Variants in ZNF501 observed in about 807,000 individuals in gnomAD.
ZNF501 encodes the protein zinc finger protein 501.
In ZNF501, 7 loss-of-function variants were observed where a neutral mutation model predicts 5.7. The ratio of observed to expected loss-of-function variants is 1.24; its 90% CI spans 0.70 to 2.32. The LOEUF is 2.32. Ranked by LOEUF, ZNF501 falls within the 30% of genes most tolerant of loss-of-function variation. The pLI is 0.00. For synonymous variants in ZNF501, 107 were observed against 101.9 expected (o/e 1.05, Z -0.30); for missense variants, 352 against 321.1 (o/e 1.10, Z -0.73).
Position 44,735,013 on chromosome 3 carries a change from G to A in ZNF501, c.592G>A (p.Ala198Thr). ...CTACACATGCACTGAATGTGGTAAA[G>A]CCTTCACTCAGAACTCTTCCCTTGT... ...KPYTCTECGK[A>T]FTQNSSLVEH... The change falls in exon 3 of 3, where the codon GCC becomes ACC. Residue 198 changes from alanine to threonine, a missense_variant. Physicochemically the swap from Ala to Thr is moderately conservative, Grantham distance 58. Coordinates refer to ENST00000620116, the MANE Select transcript of ZNF501 (RefSeq NM_001258280.2). 3 of 1,614,162 alleles carry A rather than the reference G, an allele frequency of 1.9e-6. No homozygotes were observed. Among genetic ancestry groups the A allele is most frequent in the Middle Eastern group, 1.6e-4 (1 of 6,062 alleles).
rs915242800 is a variant in ZNF501 at position 44,734,179 on chromosome 3, A to G, written c.-225-18A>G. The G allele has an allele frequency of 2.4e-6, 1 of 409,604 alleles. No homozygotes were observed. Among genetic ancestry groups the G allele is most frequent in the Non-Finnish European group, 4.3e-6 (1 of 229,964 alleles). 25.4% of individuals were successfully genotyped at this position (409,604 alleles called of 1,614,324 possible). On this transcript the variant is annotated intron_variant, in intron 2 of 2. Transcript: ENST00000620116. ...TTTTATAGAATTCCTAATACCTGTC[A>G]CTACTTAATCTCTTCAGAGAGGCTG...
rs762097467 is a variant in ZNF501, at chr3:44,734,891, C to G, written c.470C>G (p.Ser157Cys). ...ICLTRHQRSH[S>C]GDKPFKCNEC... ...CTTACTCGTCATCAGAGAAGTCATTCTGGAGATAAACCTTTTAAGTGTAAT... is the reference window on the plus strand; with the variant it reads ...CTTACTCGTCATCAGAGAAGTCATTGTGGAGATAAACCTTTTAAGTGTAAT... Residue 157 changes from serine (S) to cysteine (C), a missense_variant, in exon 3 of 3, where the codon TCT becomes TGT. Physicochemically the swap from Ser to Cys is moderately radical, Grantham distance 112. Transcript: ENST00000620116. 4.7e-5 allele frequency: 76 copies of G among 1,613,736 alleles called. No homozygotes were observed. Among genetic ancestry groups the G allele is most frequent in the Non-Finnish European group, 5.8e-5 (69 of 1,180,020 alleles).
intron 2 of ZNF501, among the ~76,000 whole-genome samples, chr3:44,733,745 A>G (rs1232196374): frequency 6.6e-6 from 1 of 152,176 alleles, no homozygotes; most frequent in Non-Finnish European, 1.5e-5. Flanking sequence ...ATAGGTTTCC[A>G]GTTGGGCCTA....
Position 44,735,303 on chromosome 3 carries a change from A to G in ZNF501, c.*66A>G. 2 of 1,330,010 alleles carry G rather than the reference A, an allele frequency of 1.5e-6. No homozygotes were observed. Among genetic ancestry groups the G allele is most frequent in the South Asian group, 3.0e-5 (2 of 67,150 alleles). 82.4% of individuals were successfully genotyped at this position (1,330,010 alleles called of 1,614,324 possible). A position where few individuals can be genotyped will look rare whatever the true frequency, so the allele number is the denominator to read the frequency against. ...CACCTTTTTTTTCTCCTAAATTCCT[A>G]GGAATGTAAGACTCAATCTGTAGCT... is the stretch of plus-strand genomic sequence containing the variant. On this transcript the variant is annotated 3_prime_UTR_variant, in exon 3 of 3. Coordinates refer to ENST00000620116, the MANE Select transcript of ZNF501 (RefSeq NM_001258280.2).
rs375647505 is a variant in ZNF501, at chr3:44,734,543, A to C, written c.122A>C (p.Gln41Pro). Residue 41 changes from glutamine to proline, a missense_variant, in exon 3 of 3, where the codon CAG (glutamine) becomes CCG (proline). Transcript: ENST00000620116. The part of the protein sequence containing the change: ...FTQRSSLTQH[Q>P]RIHRGEKPYV... ...CAGAGATCATCTCTTACCCAGCACC[A>C]GAGGATTCACAGAGGAGAGAAGCCC... 4.3e-6 allele frequency: 7 copies of C among 1,614,080 alleles called. No individual in the cohort carries two copies. Among genetic ancestry groups the C allele is most frequent in the African/African-American group, 1.3e-5 (1 of 74,930 alleles).
At position 44,735,199 on chromosome 3, in the gene ZNF501, G is replaced by A. The variant is rs772566008; in HGVS notation, c.778G>A (p.Ala260Thr). The change falls in exon 3 of 3, where the codon GCA (alanine) becomes ACA (threonine). Residue 260 changes from alanine to threonine, a missense_variant. Transcript: ENST00000620116. ...TGGGAAATCCTTTAGGCACAGTTCA[G>A]CACTTCTTCGACATCAGAGGCTTCA... is the stretch of plus-strand genomic sequence containing the variant. Reference protein sequence around the residue: ...GCGKSFRHSSALLRHQRLHAG... With the variant: ...GCGKSFRHSSTLLRHQRLHAG... 16 of 1,591,000 alleles carry A rather than the reference G, an allele frequency of 1.0e-5. No individual in the cohort carries two copies. The highest frequency in any genetic ancestry group is 1.4e-5 in the Non-Finnish European group (16 of 1,166,640).
chr3:44,730,559 T>A (rs1365135756), intron 1 of ZNF501, among the ~76,000 whole-genome samples: 1 of 152,216 alleles, frequency 6.6e-6, no homozygotes. Context: ...ATTAAACAGT[T>A]TGTTCAGTGT....
In ZNF501 at chr3:44,734,876, A is replaced by T. The variant is rs368998322; in HGVS notation, c.455A>T (p.His152Leu). Reference protein sequence around the residue: ...AFSQSICLTRHQRSHSGDKPF... With the variant: ...AFSQSICLTRLQRSHSGDKPF... Reference sequence around the variant, plus strand: ...AGTCAGAGCATATGCCTTACTCGTCATCAGAGAAGTCATTCTGGAGATAAA... The same window carrying T: ...AGTCAGAGCATATGCCTTACTCGTCTTCAGAGAAGTCATTCTGGAGATAAA... Residue 152 changes from histidine (H) to leucine (L), a missense_variant, in exon 3 of 3, where the codon CAT (histidine) becomes CTT (leucine). His to Leu is a moderately conservative substitution (Grantham distance 99). Transcript: ENST00000620116. 2.0e-5 allele frequency: 32 copies of T among 1,613,940 alleles called. No homozygotes were observed. The highest frequency in any genetic ancestry group is 2.7e-5 in the Non-Finnish European group (32 of 1,180,028).
intron 2 of ZNF501, among the ~76,000 whole-genome samples, chr3:44,732,923 A>C (rs1036540978): frequency 9.9e-5 from 15 of 152,106 alleles, no homozygotes; most frequent in African/African-American, 3.1e-4. Flanking sequence ...TCCTGGGCTC[A>C]AGTGATTTTC....
Position 44,735,173 on chromosome 3 carries a change from G to A in ZNF501, c.752G>A (p.Cys251Tyr), listed in dbSNP as rs1484494128. The A allele has an allele frequency of 6.2e-7, 1 of 1,611,818 alleles. No homozygotes were observed. Among genetic ancestry groups the A allele is most frequent in the Non-Finnish European group, 8.5e-7 (1 of 1,178,622 alleles). Residue 251 changes from cysteine to tyrosine, a missense_variant, in exon 3 of 3, where the codon TGT becomes TAT. Cys to Tyr is a radical substitution (Grantham distance 194). Transcript: ENST00000620116. ...TGEKPYECVGCGKSFRHSSAL... is the reference protein window; with the variant it reads ...TGEKPYECVGYGKSFRHSSAL... ...GAAAAACCTTATGAGTGTGTTGGAT[G>A]TGGGAAATCCTTTAGGCACAGTTCA...
rs752976754 is a variant in ZNF501, at chr3:44,735,219, G to A, written c.798G>A (p.Arg266=). The change falls in exon 3 of 3, where the codon AGG becomes AGA. Residue 266 remains arginine, a synonymous_variant. Transcript: ENST00000620116. The stretch of plus-strand genomic sequence containing the variant: ...GTTCAGCACTTCTTCGACATCAGAG[G>A]CTTCATGCTGGAGAGTAAAATTTGG... The part of the protein sequence containing the change: ...RHSSALLRHQ[R]LHAGE 3.8e-6 allele frequency: 6 copies of A among 1,569,356 alleles called. No homozygotes were observed. In the Admixed American group the frequency reaches 9.3e-5, roughly 24 times the overall value.
chr3:44,733,713 C>T lies in ZNF501; in HGVS notation c.-225-484C>T, dbSNP rs139819671. On this transcript the variant is annotated intron_variant, in intron 2 of 2. Transcript: ENST00000620116. Reference sequence around the variant, plus strand: ...TGATATCTTACTTTCTTTCAGTAAGCAGGACTCTAGTTTTCAAACCTATAG... The same window carrying T: ...TGATATCTTACTTTCTTTCAGTAAGTAGGACTCTAGTTTTCAAACCTATAG... Among the ~76,000 whole-genome samples the T allele has an allele frequency of 3.0e-3, 451 of 152,300 alleles. 3 individuals are homozygous for T. Among genetic ancestry groups the T allele is most frequent in the African/African-American group, 0.01 (420 of 41,562 alleles).
Position 44,735,056 on chromosome 3 carries a change from A to C in ZNF501, c.635A>C (p.His212Pro), listed in dbSNP as rs367780010. 8.1e-6 allele frequency: 13 copies of C among 1,614,078 alleles called. No homozygotes were observed. Among genetic ancestry groups the C allele is most frequent in the Non-Finnish European group, 1.0e-5 (12 of 1,180,032 alleles). Residue 212 changes from histidine (H) to proline (P), a missense_variant, in exon 3 of 3, where the codon CAC (histidine) becomes CCC (proline). Physicochemically the swap from His to Pro is moderately conservative, Grantham distance 77. Coordinates refer to ENST00000620116, the MANE Select transcript of ZNF501 (RefSeq NM_001258280.2). ...TCCCTTGTTGAACATGAAAGGACTC[A>C]CACTGGAGAGAAACTTTATAAGTGT... ...NSSLVEHERT[H>P]TGEKLYKCSE...
chr3:44,732,797 T>C (rs1704634128), intron 2 of ZNF501, among the ~76,000 whole-genome samples: 1 of 152,184 alleles, frequency 6.6e-6, no homozygotes, highest in Admixed American at 6.5e-5. Context: ...TGATAATCTC[T>C]GGGGAAAGGA....
chr3:44,735,162 G>A lies in ZNF501; in HGVS notation c.741G>A (p.Glu247=), dbSNP rs1704677382. 1.2e-6 allele frequency: 2 copies of A among 1,613,378 alleles called. No homozygotes were observed. Among genetic ancestry groups the A allele is most frequent in the Non-Finnish European group, 1.7e-6 (2 of 1,179,546 alleles). ...TTCATACTGGAGAAAAACCTTATGA[G>A]TGTGTTGGATGTGGGAAATCCTTTA... The part of the protein sequence containing the change: ...YRIHTGEKPY[E]CVGCGKSFRH... Residue 247 remains glutamate, a synonymous_variant, in exon 3 of 3, where the codon GAG becomes GAA. Transcript: ENST00000620116.
rs1704640107 is a variant in ZNF501, at chr3:44,733,212, G to A, written c.-225-985G>A. Among the ~76,000 whole-genome samples the A allele has an allele frequency of 2.0e-5, 3 of 152,220 alleles. 1 individual carries two copies. The South Asian group carries it at 6.2e-4, about 32-fold the overall frequency. ...CATGATTAGAAAACAGACAAAAATG[G>A]GCCTCAGAGAAGAAGCATGTGTTAG... is the stretch of plus-strand genomic sequence containing the variant. On this transcript the variant is annotated intron_variant, in intron 2 of 2. Coordinates refer to ENST00000620116, the MANE Select transcript of ZNF501 (RefSeq NM_001258280.2).
At chr3:44,731,714 CA>C (rs1704619218) in intron 2 of ZNF501, 154 bp downstream of exon 2, 1 of 152,188 alleles carries the variant, frequency 6.6e-6, no homozygotes, top group Non-Finnish European at 1.5e-5. Flanking sequence ...CCATTTTACT[CA>C]AATCAGTGAG....
intron 2 of ZNF501, 54 bp from the exon 3 acceptor site, chr3:44,734,143 G>A: frequency 3.2e-6 from 1 of 310,416 alleles, no homozygotes; most frequent in Non-Finnish European, 6.0e-6. Flanking sequence ...AGAATCAATT[G>A]TGATATGGAA....
rs564544043 is a variant in ZNF501 at position 44,734,964 on chromosome 3, G to C, written c.543G>C (p.Gln181His). Residue 181 changes from glutamine (Q) to histidine (H), a missense_variant, in exon 3 of 3, where the codon CAG becomes CAC. Coordinates refer to ENST00000620116, the MANE Select transcript of ZNF501 (RefSeq NM_001258280.2). ...FNQSACLMQH[Q>H]RIHSGEKPYT... ...AGAGTGCATGTCTCATGCAGCATCAGAGAATTCATTCAGGAGAGAAGCCCT... is the reference window on the plus strand; with the variant it reads ...AGAGTGCATGTCTCATGCAGCATCACAGAATTCATTCAGGAGAGAAGCCCT... 4.3e-6 allele frequency: 7 copies of C among 1,614,130 alleles called. No individual in the cohort carries two copies. The highest frequency in any genetic ancestry group is 5.9e-6 in the Non-Finnish European group (7 of 1,180,012).
Sources: allele counts gnomAD v4.1 joint callset (sites outside exome capture counted in the v4.1 genomes callset), GRCh38; gene constraint gnomAD v4.1.1; transcripts MANE v1.5; gene names NCBI Gene and HGNC (gene_info 2026-07-23, HGNC 2026-07-21).